Variants in APP observed in about 807,000 individuals in gnomAD.
The protein encoded by APP is amyloid-beta precursor protein.
APP carries 31 observed loss-of-function variants against 101.4 expected under a neutral mutation model. That is an observed-to-expected ratio of 0.31 (90% CI 0.23 to 0.41). APP has a LOEUF of 0.41. Among genes scored for constraint, APP ranks in the 10% least tolerant of loss-of-function variants. APP has a pLI of 1.00. For missense variants in APP, 839 were observed against 1,003.7 expected, an observed-to-expected ratio of 0.84 and a Z score of 2.22; for synonymous variants, 366 against 364.4, an observed-to-expected ratio of 1.00 and a Z score of -0.05.
At position 26,098,463 on chromosome 21, in the gene APP, T is replaced by G. The variant is rs953322708; in HGVS notation, c.226-8391A>C. Among the ~76,000 whole-genome samples the G allele has an allele frequency of 9.9e-5, 15 of 152,104 alleles. 1 individual carries two copies. Among genetic ancestry groups the G allele is most frequent in the Admixed American group, 9.2e-4 (14 of 15,278 alleles). On this transcript the variant is annotated intron_variant, in intron 2 of 17. Transcript: ENST00000346798. ...AAATGTATATATTAAAAAAAAACTT[T>G]GTAAAGCCATATGTTGTCAGAGTCC...
chr21:26,091,361 T>C (rs925446851), intron 2 of APP, among the ~76,000 whole-genome samples: 1 of 152,110 alleles, frequency 6.6e-6, no homozygotes, highest in Admixed American at 6.5e-5. Context: ...TAAGTAGTAC[T>C]TGGAGAGTCA....
chr21:26,062,455 G>A (rs978019261), intron 3 of APP, among the ~76,000 whole-genome samples: 74 of 152,126 alleles, frequency 4.9e-4, no homozygotes, highest in African/African-American at 1.7e-3. Flanking sequence ...CTGAGGTCAG[G>A]AGTTCGAGAC....
At chr21:26,077,880 G>A (rs1473348990) in intron 3 of APP, among the ~76,000 whole-genome samples, 2 of 151,882 alleles carry the variant, frequency 1.3e-5, no homozygotes, top group African/African-American at 2.4e-5. Context: ...ACCACTCAGT[G>A]ACTAATATGA....
At chr21:26,133,672 T>C (rs1036701451) in intron 1 of APP, among the ~76,000 whole-genome samples, 1 of 152,076 alleles carries the variant, frequency 6.6e-6, no homozygotes, top group African/African-American at 2.4e-5. Context: ...CTCGGGAGGC[T>C]GAGGCAGGAG....
chr21:26,110,563 T>A (rs1392636768), intron 2 of APP, among the ~76,000 whole-genome samples: 1 of 152,180 alleles, frequency 6.6e-6, no homozygotes, highest in African/African-American at 2.4e-5. Context: ...TTACTTAATA[T>A]GTAATATATT....
At position 26,021,885 on chromosome 21, in the gene APP, T is replaced by TGGC. The variant is rs750896095; in HGVS notation, c.817_819dup (p.Ala273dup). 1.6e-5 allele frequency: 26 copies of TGGC among 1,613,472 alleles called. No homozygotes were observed. The highest frequency in any genetic ancestry group is 6.7e-5 in the Admixed American group (4 of 59,914). On this transcript the variant is annotated inframe_insertion, in exon 6 of 18. Coordinates refer to ENST00000346798, the MANE Select transcript of APP (RefSeq NM_000484.4). Reference sequence around the variant, plus strand: ...GACTCTGTGGTGGTGGTGGTGGTGGTGGCAATGCTGGTGGTTCTCTCTGTG... The same window carrying TGGC: ...GACTCTGTGGTGGTGGTGGTGGTGGTGGCGGCAATGCTGGTGGTTCTCTCTGTG...
At chr21:26,064,424 A>T (rs559782461) in intron 3 of APP, among the ~76,000 whole-genome samples, 6 of 152,322 alleles carry the variant, frequency 3.9e-5, no homozygotes, top group East Asian at 3.9e-4. Context: ...AGTCTATTTT[A>T]AAAAAATTTA....
chr21:26,166,948 GTGTGTC>G (rs1470958272), intron 1 of APP, among the ~76,000 whole-genome samples: 18 of 151,218 alleles, frequency 1.2e-4, no homozygotes, highest in African/African-American at 3.9e-4. Context: ...GTGTGTGTGT[GTGTGTC>G]TGTCTGTCTG....
At chr21:26,038,336 A>C (rs1047628736) in intron 5 of APP, among the ~76,000 whole-genome samples, 6 of 152,178 alleles carry the variant, frequency 3.9e-5, no homozygotes, top group African/African-American at 1.4e-4. Flanking sequence ...TTTTAAAATA[A>C]CTAATTAAAA....
chr21:26,152,161 C>T (rs465074), intron 1 of APP, among the ~76,000 whole-genome samples: 150,619 of 151,668 alleles, frequency 0.99, 74,795 homozygotes, highest in East Asian at 1. Context: ...GGCGGGCGCC[C>T]GTAGTCCCAG....
At chr21:25,945,415 G>A (rs9305266) in intron 13 of APP, 3 of 67,860 alleles carry the variant, frequency 4.4e-5, no homozygotes, top group Non-Finnish European at 9.0e-5. Flanking sequence ...AGAAATGGTA[G>A]TGGGGGCAGG....
At chr21:26,024,376 C>T (rs907501550) in intron 5 of APP, among the ~76,000 whole-genome samples, 1 of 151,918 alleles carries the variant, frequency 6.6e-6, no homozygotes, top group Non-Finnish European at 1.5e-5. Context: ...TTCTGGCCAA[C>T]AAGGAGAAGC....
At chr21:26,135,143 A>G (rs1057443822) in intron 1 of APP, among the ~76,000 whole-genome samples, 1 of 152,234 alleles carries the variant, frequency 6.6e-6, no homozygotes, top group East Asian at 1.9e-4. Flanking sequence ...TCTTACAATT[A>G]TGCTCTGTGC....
At chr21:25,890,421 A>C (rs758772596) in intron 17 of APP, among the ~76,000 whole-genome samples, 1 of 152,218 alleles carries the variant, frequency 6.6e-6, no homozygotes, top group Non-Finnish European at 1.5e-5. Flanking sequence ...AACTCCCTAG[A>C]AACACCTGGA....
At chr21:25,969,911 G>GGAGGGGAGGGGAGGGTA (rs1474373211) in intron 11 of APP, among the ~76,000 whole-genome samples, 1 of 129,698 alleles carries the variant, frequency 7.7e-6, no homozygotes, top group Non-Finnish European at 1.6e-5. Context: ...GAGAAGAGGG[G>GGAGGGGAGGGGAGGGTA]AGGGGAAGAG....
chr21:26,101,140 G>A (rs892053717), intron 2 of APP, among the ~76,000 whole-genome samples: 3 of 117,176 alleles, frequency 2.6e-5, no homozygotes, highest in Non-Finnish European at 4.8e-5. Context: ...TCACTCTGTC[G>A]CCAGGCTGGA....
chr21:25,904,362 G>A (rs907190192), intron 15 of APP, among the ~76,000 whole-genome samples: 10 of 152,210 alleles, frequency 6.6e-5, no homozygotes, highest in African/African-American at 2.4e-4. Flanking sequence ...AAAAAAAGAA[G>A]TGTCTATTTC....
chr21:25,923,385 C>G (rs1228912239), intron 13 of APP, among the ~76,000 whole-genome samples: 1 of 147,996 alleles, frequency 6.8e-6, no homozygotes, highest in Non-Finnish European at 1.5e-5. Flanking sequence ...CAAATGGGAT[C>G]TAATTAAACT....
chr21:26,093,852 A>G (rs762266172), intron 2 of APP, among the ~76,000 whole-genome samples: 1 of 152,182 alleles, frequency 6.6e-6, no homozygotes, highest in Admixed American at 6.5e-5. Context: ...ACAGTGGCAC[A>G]CACCTGTAAT....
Sources: gnomAD v4.1 joint callset for allele counts (sites outside exome capture counted in the v4.1 genomes callset) on GRCh38, gnomAD v4.1.1 for gene constraint, MANE v1.5 for transcripts, NCBI Gene and HGNC (gene_info 2026-07-23, HGNC 2026-07-21) for gene names.